Variants in ITFG2 observed in about 807,000 individuals in gnomAD.
ITFG2 encodes integrin alpha FG-GAP repeat containing 2, also known as KICSTOR complex protein ITFG2.
Under a neutral mutation model 54.4 loss-of-function variants are expected in ITFG2, and 36 were observed. The observed-to-expected ratio is 0.66, with a 90% CI of 0.51 to 0.87. The LOEUF (loss-of-function observed/expected upper bound fraction) is 0.87. Among genes scored for constraint, ITFG2 ranks in the 40% least tolerant of loss-of-function variants. The probability of loss-of-function intolerance (pLI) is 0.00; values close to 1 mark genes in which losing one functional copy is unlikely to be tolerated. For missense variants in ITFG2, 524 were observed against 576.7 expected, an observed-to-expected ratio of 0.91 and a Z score of 0.94; for synonymous variants, 211 against 225.4, an observed-to-expected ratio of 0.94 and a Z score of 0.57.
chr12:2,816,816 A>G (rs2097923252), intron 1 of ITFG2, among the ~76,000 whole-genome samples: 1 of 149,884 alleles, frequency 6.7e-6, no homozygotes, highest in Non-Finnish European at 1.5e-5. Flanking sequence ...TAATTTTTGT[A>G]TTTTTTGTAG....
At chr12:2,842,311 C>G (rs1175628437) in intron 2 of ITFG2, among the ~76,000 whole-genome samples, 13 of 147,870 alleles carry the variant, frequency 8.8e-5, no homozygotes, top group Non-Finnish European at 1.5e-4. Flanking sequence ...TTAGTAGAGA[C>G]AGAGTTTCAC....
chr12:2,828,457 A>G, downstream of ITFG2: 1 of 1,454,700 alleles, frequency 6.9e-7, no homozygotes, highest in Non-Finnish European at 9.6e-7. Context: ...TCCCTAGGAG[A>G]ATGGGTTGGA....
intron 1 of ITFG2, among the ~76,000 whole-genome samples, chr12:2,814,976 A>C (rs992331189): frequency 6.8e-6 from 1 of 146,484 alleles, no homozygotes; most frequent in South Asian, 2.2e-4. Flanking sequence ...AAAAATAAAG[A>C]TTTTTTTTTT....
At chr12:2,855,794 G>A (rs1397779579) in intron 2 of ITFG2, among the ~76,000 whole-genome samples, 3 of 152,104 alleles carry the variant, frequency 2.0e-5, no homozygotes, top group Non-Finnish European at 4.4e-5. Flanking sequence ...TCCTTAGAGG[G>A]CACATCAGGC....
At position 2,818,169 on chromosome 12, in the gene ITFG2, G is replaced by T; in HGVS notation, c.298G>T (p.Val100Leu). 1 of 1,614,170 alleles carries T rather than the reference G, an allele frequency of 6.2e-7. No individual in the cohort carries two copies. The highest frequency in any genetic ancestry group is 2.2e-5 in the East Asian group (1 of 44,878). Residue 100 changes from valine to leucine, a missense_variant, in exon 4 of 12, where the codon GTG (valine) becomes TTG (leucine). By Grantham distance (32) the Val-to-Leu change is conservative. Coordinates refer to ENST00000228799, the MANE Select transcript of ITFG2 (RefSeq NM_018463.4). ...FHLFDLTPAK[V>L]LDASGHHETL... ...TTTGTTTGACCTGACACCTGCCAAG[G>T]TGTTGGATGCTTCTGGGCACCACGA...
chr12:2,823,862 G>A lies in ITFG2; in HGVS notation c.1159G>A (p.Glu387Lys). The A allele has an allele frequency of 1.2e-6, 2 of 1,613,428 alleles. No individual in the cohort carries two copies. The highest frequency in any genetic ancestry group is 1.7e-6 in the Non-Finnish European group (2 of 1,179,610). The change falls in exon 11 of 12, where the codon GAG (glutamate) becomes AAG (lysine). Residue 387 changes from glutamate (E) to lysine (K), a missense_variant. Glu to Lys is a moderately conservative substitution (Grantham distance 56). Coordinates refer to ENST00000228799, the MANE Select transcript of ITFG2 (RefSeq NM_018463.4). Reference protein sequence around the residue: ...KIYVYWEVQLERMESTNLVKL... With the variant: ...KIYVYWEVQLKRMESTNLVKL... ...CTATGTGTACTGGGAGGTGCAGCTGGAGCGGATGGAGTCTACCAATCTGGT... is the reference window on the plus strand; with the variant it reads ...CTATGTGTACTGGGAGGTGCAGCTGAAGCGGATGGAGTCTACCAATCTGGT...
chr12:2,846,676 T>G (rs1050830985), intron 2 of ITFG2, among the ~76,000 whole-genome samples: 1 of 151,822 alleles, frequency 6.6e-6, no homozygotes, highest in Non-Finnish European at 1.5e-5. Context: ...GTGAGGAGAT[T>G]GGGTAAATTC....
downstream of ITFG2, among the ~76,000 whole-genome samples, chr12:2,831,651 C>T (rs915717917): frequency 1.4e-4 from 21 of 152,138 alleles, no homozygotes; most frequent in African/African-American, 4.8e-4. Flanking sequence ...TGACCTGTCC[C>T]TCATCTACAA....
upstream of ITFG2, among the ~76,000 whole-genome samples, chr12:2,834,032 C>T (rs1257236286): frequency 2.0e-5 from 3 of 152,210 alleles, no homozygotes; most frequent in Admixed American, 2.0e-4. Context: ...ACTCCCCTGC[C>T]CCATTCCTCT....
intron 2 of ITFG2, among the ~76,000 whole-genome samples, chr12:2,848,171 C>G (rs927947985): frequency 1.3e-5 from 2 of 152,208 alleles, no homozygotes; most frequent in African/African-American, 4.8e-5. Flanking sequence ...TCCCAGGTGC[C>G]TGCAGGGCTT....
At chr12:2,821,188 G>C in intron 6 of ITFG2, 74 bp from the exon 7 acceptor site, 1 of 1,172,992 alleles carries the variant, frequency 8.5e-7, no homozygotes, top group Non-Finnish European at 1.2e-6. Context: ...CTCTTGCAGG[G>C]ATAGGGGTTA....
At chr12:2,851,301 T>C (rs2098070147) in intron 2 of ITFG2, among the ~76,000 whole-genome samples, 2 of 152,140 alleles carry the variant, frequency 1.3e-5, no homozygotes, top group Non-Finnish European at 2.9e-5. Context: ...TACTGTACAC[T>C]ACTGTGGACT....
At chr12:2,817,513 C>T (rs549744328) in intron 2 of ITFG2, 195 bp downstream of exon 2, 49 of 577,884 alleles carry the variant, frequency 8.5e-5, no homozygotes, top group African/African-American at 5.6e-4. Context: ...CTCACACACG[C>T]GTGCGTGGGC....
chr12:2,828,436 G>T, downstream of ITFG2: 3 of 1,583,532 alleles, frequency 1.9e-6, no homozygotes, highest in Non-Finnish European at 2.6e-6. Flanking sequence ...GAATCGTGGT[G>T]AATCAGTGAG....
chr12:2,859,425 C>G, intron 3 of ITFG2: 1 of 1,614,052 alleles, frequency 6.2e-7, no homozygotes, highest in Non-Finnish European at 8.5e-7. Context: ...CGAATCCTCC[C>G]AGGAGTGAGA....
chr12:2,857,257 A>G, intron 2 of ITFG2: 1 of 565,966 alleles, frequency 1.8e-6, no homozygotes, highest in African/African-American at 1.9e-5. Context: ...CTGTAACAGG[A>G]GCTGCTGCCG....
chr12:2,820,981 C>T, intron 6 of ITFG2, 109 bp downstream of exon 6: 3 of 1,185,164 alleles, frequency 2.5e-6, no homozygotes, highest in South Asian at 2.9e-5. Context: ...GCTGCCTCAT[C>T]TAGGTCCCAA....
chr12:2,841,077 C>A lies in ITFG2; in HGVS notation n.300+82C>A, dbSNP rs145450188. On this transcript the variant is annotated intron_variant and non_coding_transcript_variant, in intron 2 of 3. Transcript: ENST00000537710. ...AGGGGGTGGACTGGCCTTTCTCCAT[C>A]CCCTCTGTCAGGCCCGTCTCCTCCT... 9.2e-3 allele frequency: 1,399 copies of A among 152,880 alleles called. 5 individuals carry two copies. The highest frequency in any genetic ancestry group is 0.012 in the Non-Finnish European group (837 of 68,136). The allele number at this position is 152,880 out of a possible 1,614,324, so 9.5% of individuals were successfully genotyped here.
chr12:2,821,964 T>C (rs1430171129), intron 9 of ITFG2, among the ~76,000 whole-genome samples, 172 bp downstream of exon 9: 1 of 142,396 alleles, frequency 7.0e-6, no homozygotes, highest in African/African-American at 2.6e-5. Context: ...GTCTCCCCCC[T>C]ACCACCTAGG....
Sources: gnomAD v4.1 joint callset for allele counts (sites outside exome capture counted in the v4.1 genomes callset) on GRCh38, gnomAD v4.1.1 for gene constraint, MANE v1.5 for transcripts, NCBI Gene and HGNC (gene_info 2026-07-23, HGNC 2026-07-21) for gene names.